Variants in MAMDC2 observed in about 807,000 individuals in gnomAD.
The protein encoded by MAMDC2 is MAM domain-containing protein 2.
In MAMDC2, 57 loss-of-function variants were observed where a neutral mutation model predicts 89.8. The ratio of observed to expected loss-of-function variants is 0.63; its 90% CI spans 0.51 to 0.79. MAMDC2 has a LOEUF of 0.79. MAMDC2 is among the 30% of genes least tolerant of loss of function. The pLI is 0.00. For synonymous variants in MAMDC2, 313 were observed against 293.4 expected (o/e 1.07, Z -0.68); for missense variants, 800 against 820.6 (o/e 0.97, Z 0.31).
At chr9:70,209,552 C>G (rs954703086) in intron 11 of MAMDC2, among the ~76,000 whole-genome samples, 1 of 150,906 alleles carries the variant, frequency 6.6e-6, no homozygotes, top group African/African-American at 2.4e-5. Flanking sequence ...GTCTATCTAT[C>G]TATCTATTTT....
At chr9:70,113,517 AG>A (rs1828565184) in intron 5 of MAMDC2, among the ~76,000 whole-genome samples, 1 of 152,256 alleles carries the variant, frequency 6.6e-6, no homozygotes, top group Admixed American at 6.5e-5. Flanking sequence ...GATAGATCAA[AG>A]GATGGGAATG....
In MAMDC2 at chr9:70,143,579, G is replaced by A; in HGVS notation, c.1164G>A (p.Lys388=). The A allele has an allele frequency of 6.2e-7, 1 of 1,614,122 alleles. No individual in the cohort carries two copies. Among genetic ancestry groups the A allele is most frequent in the Admixed American group, 1.7e-5 (1 of 60,022 alleles). Residue 388 remains lysine, a synonymous_variant, in exon 9 of 14, where the codon AAG becomes AAA. Transcript: ENST00000377182. The stretch of plus-strand genomic sequence containing the variant: ...GGTATTACCTGCTAGCCAACACAAA[G>A]TTCACATCTCAGCCTGGCTACATTG... The part of the protein sequence containing the change: ...GLGYYLLANT[K]FTSQPGYIGR...
At chr9:70,184,413 T>A (rs1333110438) in intron 11 of MAMDC2, among the ~76,000 whole-genome samples, 5 of 152,186 alleles carry the variant, frequency 3.3e-5, no homozygotes, top group African/African-American at 1.2e-4. Context: ...ATTTCCTGAA[T>A]TTGAATGTTG....
In MAMDC2 at chr9:70,218,604, A is replaced by G. The variant is rs753314740; in HGVS notation, c.1911+8A>G. The G allele has an allele frequency of 1.9e-6, 3 of 1,597,420 alleles. No homozygotes were observed. The highest frequency in any genetic ancestry group is 1.3e-5 in the African/African-American group (1 of 74,548). On this transcript the variant is annotated splice_region_variant and intron_variant, in intron 12 of 13. Coordinates refer to ENST00000377182, the MANE Select transcript of MAMDC2 (RefSeq NM_153267.5). ...TGTGAGAGGCAACACCAGGTAAGCC[A>G]ACAGAGATAAGAACTAAGCAATGGA...
At chr9:70,175,700 C>T (rs946050476) in intron 11 of MAMDC2, 1 of 152,116 alleles carries the variant, frequency 6.6e-6, no homozygotes, top group African/African-American at 2.4e-5. Context: ...CCAGGGCTTC[C>T]ATAACAAAAT....
At chr9:70,060,451 A>C (rs1299579442) in intron 2 of MAMDC2, 1 of 152,240 alleles carries the variant, frequency 6.6e-6, no homozygotes, top group African/African-American at 2.4e-5. Flanking sequence ...AGAAGCAGTG[A>C]ATAGAAAAAA....
chr9:70,112,954 T>C, intron 4 of MAMDC2, 41 bp from the exon 5 acceptor site: 1 of 1,613,038 alleles, frequency 6.2e-7, no homozygotes, highest in Non-Finnish European at 8.5e-7. Context: ...TACCCAGGTG[T>C]GACTGTGTCT....
At chr9:70,056,685 A>G (rs557813476) in intron 2 of MAMDC2, among the ~76,000 whole-genome samples, 1 of 152,134 alleles carries the variant, frequency 6.6e-6, no homozygotes, top group African/African-American at 2.4e-5. Flanking sequence ...CCCAACCCCC[A>G]GGCCACAGAT....
At chr9:70,142,312 GGGGA>G (rs1421939583) in intron 8 of MAMDC2, among the ~76,000 whole-genome samples, 4 of 152,130 alleles carry the variant, frequency 2.6e-5, no homozygotes, top group African/African-American at 9.7e-5. Flanking sequence ...GCTGCACCGT[GGGGA>G]GGAATGGTGA....
chr9:70,204,254 T>C (rs1272251118), intron 11 of MAMDC2, among the ~76,000 whole-genome samples: 2 of 149,936 alleles, frequency 1.3e-5, no homozygotes, highest in East Asian at 4.0e-4. Flanking sequence ...TCCTTTCTGT[T>C]TGTTAGTTTT....
chr9:70,170,653 T>G, intron 11 of MAMDC2, 22 bp downstream of exon 11: 1 of 1,553,930 alleles, frequency 6.4e-7, no homozygotes, highest in African/African-American at 1.4e-5. Flanking sequence ...CACGTGGTGC[T>G]GTTTCCTAAG....
intron 10 of MAMDC2, 28 bp from the exon 11 acceptor site, chr9:70,170,451 G>A (rs1163281652): frequency 1.3e-6 from 2 of 1,585,464 alleles, no homozygotes; most frequent in African/African-American, 2.7e-5. Context: ...GAGTCTCAGT[G>A]ATTGCAACAT....
intron 2 of MAMDC2, among the ~76,000 whole-genome samples, chr9:70,089,675 A>G (rs1164076518): frequency 6.6e-6 from 1 of 152,210 alleles, no homozygotes; most frequent in Non-Finnish European, 1.5e-5. Context: ...CACCAAATAC[A>G]AACTCCATAT....
intron 11 of MAMDC2, among the ~76,000 whole-genome samples, chr9:70,177,427 TA>T (rs1219218107): frequency 6.6e-6 from 1 of 152,152 alleles, no homozygotes; most frequent in African/African-American, 2.4e-5. Flanking sequence ...GAACATAGTT[TA>T]AAACTTATGA....
At position 70,108,495 on chromosome 9, in the gene MAMDC2, T is replaced by C; in HGVS notation, c.420+13T>C. 4.4e-6 allele frequency: 7 copies of C among 1,573,344 alleles called. No individual in the cohort carries two copies. Among genetic ancestry groups the C allele is most frequent in the Non-Finnish European group, 6.0e-6 (7 of 1,164,362 alleles). On this transcript the variant is annotated intron_variant, in intron 3 of 13. Transcript: ENST00000377182. ...CAAGAAATTCAAGGTAGGTGGAGTT[T>C]AGGAGAAAGATATAAGGCCTATTAT...
At chr9:70,125,536 A>G (rs1284643200) in intron 5 of MAMDC2, among the ~76,000 whole-genome samples, 2 of 152,192 alleles carry the variant, frequency 1.3e-5, no homozygotes, top group Non-Finnish European at 2.9e-5. Context: ...GCCCACAAAG[A>G]CCTGCCAAGA....
chr9:70,052,032 A>G (rs1826917717), intron 2 of MAMDC2, among the ~76,000 whole-genome samples: 1 of 152,140 alleles, frequency 6.6e-6, no homozygotes, highest in Non-Finnish European at 1.5e-5. Flanking sequence ...TCCAGGTCTT[A>G]CTCCAAGAGG....
rs3015236 is a variant in MAMDC2, at chr9:70,054,527, A to G, written c.148+9830A>G. Among the ~76,000 whole-genome samples, 1,441 of 152,244 alleles carry G rather than the reference A, an allele frequency of 9.5e-3. 27 individuals carry two copies. The highest frequency in any genetic ancestry group is 0.033 in the African/African-American group (1,352 of 41,532). On this transcript the variant is annotated intron_variant, in intron 2 of 13. Coordinates refer to ENST00000377182, the MANE Select transcript of MAMDC2 (RefSeq NM_153267.5). ...TCTCAGCAAAAAAAGTTTAGATGTG[A>G]GAAGAAAGGGGTTCAACCATACCTA...
At chr9:70,071,244 T>C (rs1042990520) in intron 2 of MAMDC2, among the ~76,000 whole-genome samples, 26 of 152,186 alleles carry the variant, frequency 1.7e-4, no homozygotes, top group Admixed American at 5.2e-4. Flanking sequence ...TCGAGAGTAG[T>C]ACTTGATTTA....
Sources: allele counts gnomAD v4.1 joint callset (sites outside exome capture counted in the v4.1 genomes callset), GRCh38; gene constraint gnomAD v4.1.1; transcripts MANE v1.5; gene names NCBI Gene and HGNC (gene_info 2026-07-23, HGNC 2026-07-21).